The following KCNIP1 variants were observed in gnomAD, a reference collection of about 807,000 sequenced individuals.
The protein encoded by KCNIP1 is A-type potassium channel modulatory protein KCNIP1.
A neutral mutation model predicts 33.0 loss-of-function variants in KCNIP1; 18 were observed. The ratio of observed to expected loss-of-function variants is 0.55; its 90% CI spans 0.38 to 0.81. KCNIP1 has a LOEUF of 0.81. KCNIP1 is among the 30% of genes least tolerant of loss of function. KCNIP1 has a pLI of 0.00. For synonymous variants in KCNIP1, 93 were observed against 98.3 expected, an observed-to-expected ratio of 0.95 and a Z score of 0.32; for missense variants, 238 against 271.6, an observed-to-expected ratio of 0.88 and a Z score of 0.87.
At chr5:170,712,786 T>C (rs1252689002) in intron 1 of KCNIP1, 1 of 1,500,984 alleles carries the variant, frequency 6.7e-7, no homozygotes, top group Non-Finnish European at 9.3e-7. Context: ...CTCTCTCCAT[T>C]GACAATAAAA....
At chr5:170,581,180 A>AT (rs1190339380) in intron 1 of KCNIP1, among the ~76,000 whole-genome samples, 1 of 152,222 alleles carries the variant, frequency 6.6e-6, no homozygotes, top group African/African-American at 2.4e-5. Flanking sequence ...GTGATCTGTC[A>AT]TGAATCACAA....
intron 1 of KCNIP1, among the ~76,000 whole-genome samples, chr5:170,455,797 C>T (rs943974952): frequency 6.6e-6 from 1 of 152,080 alleles, no homozygotes; most frequent in Non-Finnish European, 1.5e-5. Flanking sequence ...TAAAGCAATG[C>T]TTAGAGGGAA....
chr5:170,470,614 G>C (rs998813895), intron 1 of KCNIP1, among the ~76,000 whole-genome samples: 5 of 152,216 alleles, frequency 3.3e-5, no homozygotes, highest in African/African-American at 1.2e-4. Context: ...TAAAGGTAGA[G>C]GGGGAGAGGT....
At chr5:170,464,128 A>G (rs1173544282) in intron 1 of KCNIP1, among the ~76,000 whole-genome samples, 1 of 152,212 alleles carries the variant, frequency 6.6e-6, no homozygotes, top group Non-Finnish European at 1.5e-5. Flanking sequence ...ACGACAAAAT[A>G]TCATTGAAAT....
intron 1 of KCNIP1, among the ~76,000 whole-genome samples, chr5:170,539,678 C>G (rs1207098094): frequency 6.6e-6 from 1 of 152,138 alleles, no homozygotes; most frequent in African/African-American, 2.4e-5. Context: ...AGACTTCAAG[C>G]CCCCGAAGAG....
intron 1 of KCNIP1, among the ~76,000 whole-genome samples, chr5:170,393,149 C>T (rs181742277): frequency 6.6e-6 from 1 of 152,316 alleles, no homozygotes; most frequent in East Asian, 1.9e-4. Flanking sequence ...GTCCCTGCCC[C>T]TCTGTCACCC....
At chr5:170,585,579 C>G (rs1391077692) in intron 1 of KCNIP1, among the ~76,000 whole-genome samples, 2 of 152,166 alleles carry the variant, frequency 1.3e-5, no homozygotes, top group African/African-American at 2.4e-5. Context: ...TACCTGCGAG[C>G]CTGTCAGCCC....
At chr5:170,488,869 C>A (rs1227958756) in intron 1 of KCNIP1, among the ~76,000 whole-genome samples, 2 of 152,188 alleles carry the variant, frequency 1.3e-5, no homozygotes, top group Admixed American at 1.3e-4. Flanking sequence ...AGAATTTACA[C>A]ACCCACAGTC....
rs531099236 is a variant in KCNIP1 at position 170,584,313 on chromosome 5, T to C, written c.61+79680T>C. Among the ~76,000 whole-genome samples the C allele has an allele frequency of 7.2e-5, 11 of 152,310 alleles. No individual in the cohort carries two copies. In the South Asian group the frequency reaches 1.9e-3, roughly 26 times the overall value. On this transcript the variant is annotated intron_variant, in intron 1 of 7. Transcript: ENST00000328939. ...TAGATAAATGAATGCAGAAACTGCT[T>C]CCTTAATGTAGGCTTAGAGAAGGGG...
At chr5:170,687,802 G>T (rs1179965949) in intron 1 of KCNIP1, among the ~76,000 whole-genome samples, 1 of 152,190 alleles carries the variant, frequency 6.6e-6, no homozygotes, top group Non-Finnish European at 1.5e-5. Flanking sequence ...TTTGCAAAAT[G>T]GGTAAATTGT....
At position 170,487,664 on chromosome 5, in the gene KCNIP1, G is replaced by A. The variant is rs1439252512; in HGVS notation, c.88+133700G>A. ...AGCCCCTCGAGTAGCTGGAACCACA[G>A]GCGCATGCCACCAAATCCAGCTAAT... On this transcript the variant is annotated intron_variant, in intron 1 of 7. Transcript: ENST00000377360. Among the ~76,000 whole-genome samples, 5 of 151,972 alleles carry A rather than the reference G, an allele frequency of 3.3e-5. No homozygotes were observed. In the East Asian group the frequency reaches 7.7e-4, roughly 24 times the overall value.
At chr5:170,594,367 G>T (rs1003187949) in intron 1 of KCNIP1, among the ~76,000 whole-genome samples, 1 of 152,102 alleles carries the variant, frequency 6.6e-6, no homozygotes, top group African/African-American at 2.4e-5. Context: ...GGTAGAAAGA[G>T]ATGGTATTTG....
chr5:170,439,378 A>G lies in KCNIP1; in HGVS notation c.88+85414A>G, dbSNP rs1042602494. Reference sequence around the variant, plus strand: ...GGCAGGCAGGCAGGCACAAGTGAGGAACAAGGGCCCCGGGCTGGGCTGCCT... The same window carrying G: ...GGCAGGCAGGCAGGCACAAGTGAGGGACAAGGGCCCCGGGCTGGGCTGCCT... On this transcript the variant is annotated intron_variant, in intron 1 of 7. Coordinates refer to the KCNIP1 transcript ENST00000377360. 2.6e-5 allele frequency among the ~76,000 whole-genome samples: 4 copies of G among 152,228 alleles called. No homozygotes were observed. The East Asian group carries it at 7.7e-4, about 29-fold the overall frequency.
intron 1 of KCNIP1, among the ~76,000 whole-genome samples, chr5:170,421,172 C>A (rs1003277994): frequency 1.1e-4 from 17 of 152,184 alleles, no homozygotes; most frequent in Non-Finnish European, 2.2e-4. Context: ...AGCCATGGAG[C>A]AAACTCAAGT....
intron 1 of KCNIP1, among the ~76,000 whole-genome samples, chr5:170,415,044 T>C (rs1347444139): frequency 1.3e-5 from 2 of 152,274 alleles, no homozygotes; most frequent in Non-Finnish European, 2.9e-5. Context: ...TCATGATTCA[T>C]AAATGCTGTT....
At chr5:170,721,724 C>T (rs1269805664) in intron 3 of KCNIP1, 109 bp from the exon 4 acceptor site, 10 of 1,613,236 alleles carry the variant, frequency 6.2e-6, no homozygotes, top group Non-Finnish European at 8.5e-7. Context: ...CTTTCCATCA[C>T]CCTAGCATCA....
intron 1 of KCNIP1, chr5:170,561,094 C>A (rs1399682059): frequency 1.5e-5 from 7 of 455,856 alleles, no homozygotes; most frequent in Non-Finnish European, 3.1e-5. Context: ...TTTCCACTTA[C>A]CAAAGGGCAT....
rs551763501 is a variant in KCNIP1 at position 170,355,899 on chromosome 5, G to C, written c.88+1935G>C. Among the ~76,000 whole-genome samples the C allele has an allele frequency of 3.9e-5, 6 of 152,384 alleles. No homozygotes were observed. In the South Asian group the frequency reaches 1.2e-3, roughly 32 times the overall value. Reference sequence around the variant, plus strand: ...GCAGCCCATGGCAGGCACCAGGGCAGGATTGTGTCTTAACCGCATCTGTCT... The same window carrying C: ...GCAGCCCATGGCAGGCACCAGGGCACGATTGTGTCTTAACCGCATCTGTCT... On this transcript the variant is annotated intron_variant, in intron 1 of 7. Coordinates refer to the KCNIP1 transcript ENST00000377360.
chr5:170,732,743 T>C (rs1349945497), intron 5 of KCNIP1, 57 bp from the exon 6 acceptor site: 2 of 1,151,388 alleles, frequency 1.7e-6, no homozygotes, highest in African/African-American at 3.0e-5. Context: ...CTCTGTCACC[T>C]AGGAAGAGCT....
Sources: gnomAD v4.1 joint callset for allele counts (sites outside exome capture counted in the v4.1 genomes callset) on GRCh38, gnomAD v4.1.1 for gene constraint, MANE v1.5 for transcripts, NCBI Gene and HGNC (gene_info 2026-07-23, HGNC 2026-07-21) for gene names.